PANX2: variants seen among roughly 807,000 people sequenced by gnomAD.
The protein encoded by PANX2 is pannexin 2.
In PANX2, 30 loss-of-function variants were observed where a neutral mutation model predicts 38.7. The observed-to-expected ratio is 0.78, with a 90% CI of 0.58 to 1.05. The LOEUF is 1.05. Ranked by LOEUF, PANX2 falls within the 50% of genes least tolerant of loss-of-function variation. The pLI, the probability that PANX2 is intolerant of heterozygous loss-of-function variation, is 0.00. For missense variants in PANX2, 880 were observed against 979.3 expected, an observed-to-expected ratio of 0.90 and a Z score of 1.35; for synonymous variants, 539 against 472.1, an observed-to-expected ratio of 1.14 and a Z score of -1.84.
rs771414656 is a variant in PANX2 at position 50,177,429 on chromosome 22, C to G, written c.717C>G (p.Ala239=). ...ARHVLILLLS[A]VPISYLCTYY... Reference sequence around the variant, plus strand: ...ACGTGCTGATCCTGCTGCTGAGCGCCGTGCCCATCTCCTACCTGTGCACCT... The same window carrying G: ...ACGTGCTGATCCTGCTGCTGAGCGCGGTGCCCATCTCCTACCTGTGCACCT... Residue 239 remains alanine (A), a synonymous_variant, in exon 2 of 3, where the codon GCC becomes GCG. Transcript: ENST00000395842. 30 of 1,608,570 alleles carry G rather than the reference C, an allele frequency of 1.9e-5. 1 individual carries two copies. In the South Asian group the frequency reaches 3.1e-4, roughly 17 times the overall value.
At position 50,177,183 on chromosome 22, in the gene PANX2, G is replaced by C; in HGVS notation, c.471G>C (p.Leu157=). 6.2e-7 allele frequency: 1 copy of C among 1,609,852 alleles called. No individual in the cohort carries two copies. Among genetic ancestry groups the C allele is most frequent in the South Asian group, 1.1e-5 (1 of 90,782 alleles). The change falls in exon 2 of 3, where the codon CTG becomes CTC. Residue 157 remains leucine (L), a synonymous_variant. Coordinates refer to ENST00000395842, the MANE Select transcript of PANX2 (RefSeq NM_052839.4). The part of the protein sequence containing the change: ...STRLTSELNF[L]LQEIDNCYHR... The stretch of plus-strand genomic sequence containing the variant: ...GCCTCACCTCCGAGCTCAACTTCCT[G>C]CTGCAGGAGATCGACAACTGTTACC...
chr22:50,178,937 C>T lies in PANX2; in HGVS notation c.1694C>T (p.Ala565Val). Residue 565 changes from alanine (A) to valine (V), a missense_variant, in exon 3 of 3, where the codon GCT becomes GTT. This residue lies in a region of PANX2 where 445 missense variants were observed against 404.3 expected (regional missense o/e 1.10). Coordinates refer to ENST00000395842, the MANE Select transcript of PANX2 (RefSeq NM_052839.4). The part of the protein sequence containing the change: ...LGLAPAPIKD[A>V]PLPEKEIPYP... Reference sequence around the variant, plus strand: ...CTGTGCTCTTGGCTGTTTGCAGATGCTCCGCTCCCCGAGAAGGAAATCCCG... The same window carrying T: ...CTGTGCTCTTGGCTGTTTGCAGATGTTCCGCTCCCCGAGAAGGAAATCCCG... 1.3e-6 allele frequency: 2 copies of T among 1,566,098 alleles called. No homozygotes were observed. Among genetic ancestry groups the T allele is most frequent in the South Asian group, 1.2e-5 (1 of 86,600 alleles).
chr22:50,177,978 G>T lies in PANX2; in HGVS notation c.1266G>T (p.Val422=). The part of the protein sequence containing the change: ...AEPDGAAEPP[V]VKRPRKKMKW... Reference sequence around the variant, plus strand: ...CCGACGGCGCCGCCGAGCCGCCCGTGGTCAAGCGGCCGCGCAAGAAGATGA... The same window carrying T: ...CCGACGGCGCCGCCGAGCCGCCCGTTGTCAAGCGGCCGCGCAAGAAGATGA... Residue 422 remains valine, a synonymous_variant, in exon 2 of 3, where the codon GTG becomes GTT. Transcript: ENST00000395842. The T allele has an allele frequency of 6.5e-7, 1 of 1,536,140 alleles. No individual in the cohort carries two copies. The highest frequency in any genetic ancestry group is 8.7e-7 in the Non-Finnish European group (1 of 1,145,622).
At chr22:50,178,677 G>C (rs536842013) in intron 2 of PANX2, among the ~76,000 whole-genome samples, 26 of 152,348 alleles carry the variant, frequency 1.7e-4, no homozygotes, top group African/African-American at 6.3e-4. Context: ...CTCCTGGTCA[G>C]CTTCCTAGAG....
chr22:50,171,027 C>T (rs1468172456), intron 1 of PANX2, 71 bp downstream of exon 1: 7 of 777,884 alleles, frequency 9.0e-6, no homozygotes, highest in Non-Finnish European at 1.3e-5. Flanking sequence ...GCTGGCGCTT[C>T]CCGCGTCCCC....
intron 1 of PANX2, among the ~76,000 whole-genome samples, chr22:50,173,952 G>A (rs2063648829): frequency 6.6e-6 from 1 of 152,128 alleles, no homozygotes; most frequent in Admixed American, 6.5e-5. Flanking sequence ...TCGTGAACCG[G>A]GAAACGTGAC....
At chr22:50,172,742 T>G (rs1394822274) in intron 1 of PANX2, among the ~76,000 whole-genome samples, 1 of 151,794 alleles carries the variant, frequency 6.6e-6, no homozygotes. Context: ...TTATTTTTAT[T>G]TTTTGAGACA....
chr22:50,178,645 G>A (rs1436820636), intron 2 of PANX2, among the ~76,000 whole-genome samples: 1 of 152,244 alleles, frequency 6.6e-6, no homozygotes. Flanking sequence ...AGGTGGGGAA[G>A]ATGCAGGCTG....
chr22:50,175,089 G>A (rs893611651), intron 1 of PANX2, among the ~76,000 whole-genome samples: 2 of 152,230 alleles, frequency 1.3e-5, no homozygotes, highest in African/African-American at 4.8e-5. Flanking sequence ...GGAGTGGCAA[G>A]CAGGACTTGG....
Position 50,179,045 on chromosome 22 carries a change from C to T in PANX2, c.1802C>T (p.Ala601Val). The change falls in exon 3 of 3, where the codon GCC (alanine) becomes GTC (valine). Residue 601 changes from alanine (A) to valine (V), a missense_variant. Around this residue, in one of 4 missense-constraint regions of PANX2, gnomAD observed 445 missense variants for 404.3 expected, o/e 1.10. Transcript: ENST00000395842. ...TCACCTCCCGCCGCCCCTGCTGTGGCCCCTCTGACACCAGCCAGCCTGGGC... is the reference window on the plus strand; with the variant it reads ...TCACCTCCCGCCGCCCCTGCTGTGGTCCCTCTGACACCAGCCAGCCTGGGC... ...VRSPPAAPAV[A>V]PLTPASLGKA... 1.9e-6 allele frequency: 3 copies of T among 1,611,032 alleles called. No individual in the cohort carries two copies. Among genetic ancestry groups the T allele is most frequent in the Non-Finnish European group, 2.5e-6 (3 of 1,179,182 alleles).
intron 1 of PANX2, among the ~76,000 whole-genome samples, chr22:50,173,159 G>A (rs1430269772): frequency 6.6e-6 from 1 of 151,648 alleles, no homozygotes; most frequent in African/African-American, 2.4e-5. Context: ...GCCTCCCAAA[G>A]TGCTGGGATT....
chr22:50,177,118 T>A lies in PANX2; in HGVS notation c.406T>A (p.Tyr136Asn). The A allele has an allele frequency of 6.2e-7, 1 of 1,609,964 alleles. No homozygotes were observed. The highest frequency in any genetic ancestry group is 1.3e-5 in the African/African-American group (1 of 75,028). Residue 136 changes from tyrosine (Y) to asparagine (N), a missense_variant, in exon 2 of 3, where the codon TAC becomes AAC. Coordinates refer to ENST00000395842, the MANE Select transcript of PANX2 (RefSeq NM_052839.4). ...GCTGCTGGCCTTCGCCGCCATCATG[T>A]ACGTGCCCGCGCTGGGCTGGGAGTT... is the stretch of plus-strand genomic sequence containing the variant. ...YALLAFAAIM[Y>N]VPALGWEFLA...
chr22:50,171,608 A>G (rs184037862), intron 1 of PANX2, among the ~76,000 whole-genome samples: 1 of 152,250 alleles, frequency 6.6e-6, no homozygotes, highest in Non-Finnish European at 1.5e-5. Context: ...TGGTTAGATC[A>G]GGACCTGTGG....
Position 50,179,123 on chromosome 22 carries a change from A to G in PANX2, c.1880A>G (p.His627Arg). ...CGAAACGCCACACACCCGCTGCTGC[A>G]CATCAACACGCTGTACGAGGCCCGG... is the stretch of plus-strand genomic sequence containing the variant. The part of the protein sequence containing the change: ...LSRNATHPLL[H>R]INTLYEAREE... Residue 627 changes from histidine (H) to arginine (R), a missense_variant, in exon 3 of 3, where the codon CAC (histidine) becomes CGC (arginine). His to Arg is a conservative substitution (Grantham distance 29, BLOSUM62 0). This residue lies in a region of PANX2 where 445 missense variants were observed against 404.3 expected (regional missense o/e 1.10). Coordinates refer to ENST00000395842, the MANE Select transcript of PANX2 (RefSeq NM_052839.4). 6.2e-7 allele frequency: 1 copy of G among 1,612,238 alleles called. No homozygotes were observed. Among genetic ancestry groups the G allele is most frequent in the Non-Finnish European group, 8.5e-7 (1 of 1,179,644 alleles).
intron 1 of PANX2, among the ~76,000 whole-genome samples, chr22:50,175,202 G>C (rs991643671): frequency 6.6e-6 from 1 of 152,180 alleles, no homozygotes; most frequent in African/African-American, 2.4e-5. Context: ...CAGACACGTG[G>C]CTCGGTGTGG....
rs781318176 is a variant in PANX2, at chr22:50,179,299, C to T, written c.*22C>T. 1 of 1,595,074 alleles carries T rather than the reference C, an allele frequency of 6.3e-7. No individual in the cohort carries two copies. Among genetic ancestry groups the T allele is most frequent in the Non-Finnish European group, 8.6e-7 (1 of 1,167,834 alleles). On this transcript the variant is annotated 3_prime_UTR_variant, in exon 3 of 3. Transcript: ENST00000395842. ...TTGAGGGATGGCACCGTCCAGGCCG[C>T]CGAGAGCCCCTCTGCCTGTGTCGTG...
rs1400965508 is a variant in PANX2, at chr22:50,178,338, G to A, written c.1626G>A (p.Gln542=). The A allele has an allele frequency of 4.7e-6, 7 of 1,499,686 alleles. No homozygotes were observed. The highest frequency in any genetic ancestry group is 5.3e-6 in the Non-Finnish European group (6 of 1,132,446). 92.9% of individuals were successfully genotyped at this position (1,499,686 alleles called of 1,614,324 possible). A position where few individuals can be genotyped will look rare whatever the true frequency, so the allele number is the denominator to read the frequency against. The stretch of plus-strand genomic sequence containing the variant: ...CCGCCCTGCCCGCCTCCCGGAGCCA[G>A]GAGGGGGGCTTCCTGTCCCAGGCGG... ...VPAALPASRS[Q]EGGFLSQAED... The change falls in exon 2 of 3, where the codon CAG becomes CAA. Residue 542 remains glutamine, a synonymous_variant. Coordinates refer to ENST00000395842, the MANE Select transcript of PANX2 (RefSeq NM_052839.4).
chr22:50,176,741 A>G (rs1208412168), intron 1 of PANX2, among the ~76,000 whole-genome samples, 198 bp from the exon 2 acceptor site: 1 of 151,980 alleles, frequency 6.6e-6, no homozygotes, highest in Non-Finnish European at 1.5e-5. Flanking sequence ...TCGTGGGGGT[A>G]GTCAGGGCGG....
chr22:50,177,358 C>A lies in PANX2; in HGVS notation c.646C>A (p.Arg216Ser). Residue 216 changes from arginine to serine, a missense_variant, in exon 2 of 3, where the codon CGC becomes AGC. Arg to Ser is a moderately radical substitution (Grantham distance 110). Coordinates refer to ENST00000395842, the MANE Select transcript of PANX2 (RefSeq NM_052839.4). ...EQNLFEKYLE[R>S]RGRSNFLAKL... ...GAACCTGTTCGAGAAGTACCTGGAG[C>A]GCCGCGGCCGCAGCAACTTCCTGGC... The A allele has an allele frequency of 2.5e-6, 4 of 1,609,308 alleles. No homozygotes were observed. Among genetic ancestry groups the A allele is most frequent in the African/African-American group, 1.3e-5 (1 of 74,974 alleles).
Sources: allele counts gnomAD v4.1 joint callset (sites outside exome capture counted in the v4.1 genomes callset), GRCh38; gene constraint gnomAD v4.1.1; regional missense constraint gnomAD v4.1.1; transcripts MANE v1.5; gene names NCBI Gene and HGNC (gene_info 2026-07-23, HGNC 2026-07-21).